Variants in ARL8B observed in about 807,000 individuals in gnomAD.
ARL8B encodes ARF like GTPase 8B, also known as ADP-ribosylation factor-like protein 8B.
ARL8B carries 9 observed loss-of-function variants against 30.6 expected under a neutral mutation model. That is an observed-to-expected ratio of 0.29 (90% confidence interval 0.18 to 0.51). ARL8B has a LOEUF of 0.51. Ranked by LOEUF, ARL8B falls within the 20% of genes least tolerant of loss-of-function variation. The pLI is 0.97. For missense variants in ARL8B, 130 were observed against 227.2 expected (o/e 0.57, Z 2.75); for synonymous variants, 74 against 76.0 (o/e 0.97, Z 0.14).
chr3:5,131,327 C>T (rs542891944), intron 1 of ARL8B, among the ~76,000 whole-genome samples: 2 of 152,042 alleles, frequency 1.3e-5, no homozygotes, highest in South Asian at 4.2e-4. Context: ...CTACATTTCT[C>T]TCCTTCATAA....
chr3:5,132,740 A>G (rs1437950148), intron 1 of ARL8B, among the ~76,000 whole-genome samples: 1 of 152,208 alleles, frequency 6.6e-6, no homozygotes, highest in Non-Finnish European at 1.5e-5. Flanking sequence ...TACTCCATGC[A>G]TGTTTAAACT....
In ARL8B at chr3:5,174,559, TACC is replaced by T. The variant is rs2054708159; in HGVS notation, c.511+146_511+148del. 8.8e-6 allele frequency: 5 copies of T among 569,780 alleles called. No homozygotes were observed. In the East Asian group the frequency reaches 1.5e-4, roughly 17 times the overall value. 35.3% of individuals were successfully genotyped at this position (569,780 alleles called of 1,614,324 possible). A position where few individuals can be genotyped will look rare whatever the true frequency, so the allele number is the denominator to read the frequency against. ...TTTGCCTGAGAAAAAAGAATAGACA[TACC>T]TTTTGACAACAAATATAGTGAACCT... On this transcript the variant is annotated intron_variant, in intron 6 of 6. Coordinates refer to ENST00000256496, the MANE Select transcript of ARL8B (RefSeq NM_018184.3).
chr3:5,173,486 C>T (rs965454896), intron 4 of ARL8B, among the ~76,000 whole-genome samples: 3 of 152,134 alleles, frequency 2.0e-5, no homozygotes, highest in Non-Finnish European at 4.4e-5. Flanking sequence ...CCTGTAATCC[C>T]AGCACTTTGG....
chr3:5,144,571 C>T (rs1334643514), intron 1 of ARL8B, among the ~76,000 whole-genome samples: 6 of 152,320 alleles, frequency 3.9e-5, no homozygotes, highest in Non-Finnish European at 7.3e-5. Context: ...TCAGGAAGTA[C>T]CCACTTCCCG....
At chr3:5,159,624 AAG>A (rs1559283190) in intron 1 of ARL8B, among the ~76,000 whole-genome samples, 79 of 142,718 alleles carry the variant, frequency 5.5e-4, no homozygotes, top group Non-Finnish European at 7.7e-4. Flanking sequence ...AAAAAAAAAA[AAG>A]AGAAAAAGAA....
intron 1 of ARL8B, among the ~76,000 whole-genome samples, chr3:5,125,353 T>A (rs2054221255): frequency 6.6e-6 from 1 of 152,190 alleles, no homozygotes; most frequent in African/African-American, 2.4e-5. Flanking sequence ...GGTATCATTT[T>A]CTACTTTGAA....
intron 6 of ARL8B, among the ~76,000 whole-genome samples, chr3:5,175,046 C>T (rs767245486): frequency 6.6e-6 from 1 of 151,970 alleles, no homozygotes; most frequent in Non-Finnish European, 1.5e-5. Context: ...AATGATCCAA[C>T]TGCCTCGGCC....
chr3:5,170,856 A>C (rs1019553740), intron 2 of ARL8B: 1 of 262,112 alleles, frequency 3.8e-6, no homozygotes, highest in East Asian at 9.9e-5. Context: ...TCAGCCTCCA[A>C]AATAGCTAAG....
chr3:5,128,132 C>T lies in ARL8B; in HGVS notation c.123+5544C>T, dbSNP rs1036791993. Among the ~76,000 whole-genome samples the T allele has an allele frequency of 5.2e-5, 7 of 133,978 alleles. No homozygotes were observed. In the East Asian group the frequency reaches 1.5e-3, roughly 29 times the overall value. The allele number at this position is 133,978 out of a possible 152,430, so 87.9% of individuals were successfully genotyped here. ...GAGCCGAAATTGAGCGACTGCACTC[C>T]AGCCTGGGCAACAGAGTGAAAATCC... On this transcript the variant is annotated intron_variant, in intron 1 of 6. Transcript: ENST00000256496.
Position 5,172,636 on chromosome 3 carries a change from A to T in ARL8B, c.279-11A>T. ...AGAGAAGGTATGTTGAGATCACTTCATTTTTTTAAGTTACATGATAGATGC... is the reference window on the plus strand; with the variant it reads ...AGAGAAGGTATGTTGAGATCACTTCTTTTTTTTAAGTTACATGATAGATGC... On this transcript the variant is annotated splice_polypyrimidine_tract_variant and intron_variant, in intron 3 of 6. Coordinates refer to ENST00000256496, the MANE Select transcript of ARL8B (RefSeq NM_018184.3). 6.3e-7 allele frequency: 1 copy of T among 1,599,370 alleles called. No individual in the cohort carries two copies. Among genetic ancestry groups the T allele is most frequent in the East Asian group, 2.2e-5 (1 of 44,664 alleles).
chr3:5,158,434 A>G (rs2054550795), intron 1 of ARL8B, among the ~76,000 whole-genome samples: 1 of 152,222 alleles, frequency 6.6e-6, no homozygotes, highest in Admixed American at 6.5e-5. Flanking sequence ...GCACTGTTCA[A>G]AATGCTGTAT....
intron 6 of ARL8B, among the ~76,000 whole-genome samples, chr3:5,176,773 ACT>A (rs1303810832): frequency 6.6e-6 from 1 of 151,872 alleles, no homozygotes; most frequent in South Asian, 2.1e-4. Flanking sequence ...GGCGGGGAAA[ACT>A]CTTTTTAAAA....
chr3:5,160,150 A>T (rs2106566268), intron 1 of ARL8B, among the ~76,000 whole-genome samples: 1 of 152,330 alleles, frequency 6.6e-6, no homozygotes, highest in Middle Eastern at 3.4e-3. Flanking sequence ...ATATCCAGAT[A>T]ACTTTAGTGA....
chr3:5,139,763 C>G lies in ARL8B; in HGVS notation c.123+17175C>G, dbSNP rs148435008. On this transcript the variant is annotated intron_variant, in intron 1 of 6. Transcript: ENST00000256496. ...CCAGAAAAACTCCTATGTAACTTCCCTTAGAGAAATGAAACTGAACGGGAA... is the reference window on the plus strand; with the variant it reads ...CCAGAAAAACTCCTATGTAACTTCCGTTAGAGAAATGAAACTGAACGGGAA... 2.6e-3 allele frequency among the ~76,000 whole-genome samples: 402 copies of G among 152,238 alleles called. 1 individual carries two copies. Among genetic ancestry groups the G allele is most frequent in the Middle Eastern group, 0.01 (3 of 294 alleles).
chr3:5,172,720 C>T lies in ARL8B; in HGVS notation c.352C>T (p.Pro118Ser). ...TGAGCTACATAATCTTCTAGATAAA[C>T]CACAGTTACAAGGAATTCCAGTAAG... Reference protein sequence around the residue: ...RNELHNLLDKPQLQGIPVLVL... With the variant: ...RNELHNLLDKSQLQGIPVLVL... Residue 118 changes from proline (P) to serine (S), a missense_variant, in exon 4 of 7, where the codon CCA becomes TCA. Pro to Ser is a moderately conservative substitution (Grantham distance 74). Coordinates refer to ENST00000256496, the MANE Select transcript of ARL8B (RefSeq NM_018184.3). 1 of 1,607,902 alleles carries T rather than the reference C, an allele frequency of 6.2e-7. No homozygotes were observed. The highest frequency in any genetic ancestry group is 8.5e-7 in the Non-Finnish European group (1 of 1,175,482).
At chr3:5,165,265 G>A (rs898786139) in intron 1 of ARL8B, among the ~76,000 whole-genome samples, 1 of 151,896 alleles carries the variant, frequency 6.6e-6, no homozygotes, top group Non-Finnish European at 1.5e-5. Flanking sequence ...AAAAAAAATT[G>A]TTTGTAATTC....
intron 1 of ARL8B, among the ~76,000 whole-genome samples, chr3:5,143,156 T>C (rs2054389305): frequency 6.6e-6 from 1 of 152,182 alleles, no homozygotes; most frequent in African/African-American, 2.4e-5. Flanking sequence ...TCTTATAGTC[T>C]GGGGTGCTAC....
intron 1 of ARL8B, among the ~76,000 whole-genome samples, chr3:5,146,496 T>G (rs1029806176): frequency 6.6e-6 from 1 of 152,218 alleles, no homozygotes; most frequent in Non-Finnish European, 1.5e-5. Context: ...TGGGATATTG[T>G]TTTCTGCAAA....
intron 6 of ARL8B, among the ~76,000 whole-genome samples, chr3:5,175,728 C>A (rs1194142319): frequency 6.6e-6 from 1 of 152,162 alleles, no homozygotes; most frequent in African/African-American, 2.4e-5. Context: ...TCCCTCCTTG[C>A]CTCTCTCTAG....
Sources: allele counts gnomAD v4.1 joint callset (sites outside exome capture counted in the v4.1 genomes callset), GRCh38; gene constraint gnomAD v4.1.1; transcripts MANE v1.5; gene names NCBI Gene and HGNC (gene_info 2026-07-23, HGNC 2026-07-21).